Variants in NEB observed in about 807,000 individuals in gnomAD.
NEB encodes nebulin.
Under a neutral mutation model 952.2 loss-of-function variants are expected in NEB, and 512 were observed. That is an observed-to-expected ratio of 0.54 (90% CI 0.50 to 0.58). NEB has a LOEUF of 0.58. Among genes scored for constraint, NEB ranks in the 20% least tolerant of loss-of-function variants. NEB has a pLI of 0.00. For missense variants in NEB, 8,428 were observed against 9,231.1 expected, an observed-to-expected ratio of 0.91 and a Z score of 3.56; for synonymous variants, 2,900 against 3,149.8, an observed-to-expected ratio of 0.92 and a Z score of 2.66.
At chr2:151,491,904 G>A in intron 178 of NEB, 129 bp from the exon 179 acceptor site, 2 of 977,140 alleles carry the variant, frequency 2.0e-6, no homozygotes, top group South Asian at 1.7e-5. Flanking sequence ...TCTGGGTCAT[G>A]TCTTTTCCTC....
At chr2:151,715,778 C>G (rs372726513) in intron 10 of NEB, among the ~76,000 whole-genome samples, 8 of 152,358 alleles carry the variant, frequency 5.3e-5, no homozygotes, top group African/African-American at 1.9e-4. Context: ...CTTATATACT[C>G]AGTTTATACT....
rs750799792 is a variant in NEB, at chr2:151,640,647, T to C, written c.8393A>G (p.Tyr2798Cys). The change falls in exon 61 of 182, where the codon TAT becomes TGT. Residue 2798 changes from tyrosine (Y) to cysteine (C), a missense_variant. By Grantham distance (194) the Tyr-to-Cys change is radical. Coordinates refer to ENST00000397345, the MANE Select transcript of NEB (RefSeq NM_001164508.2). ...AATGTGGTGGCCGAGCTGCTTACGA[T>C]AGCCTTCTTTGTACTTGAACTAAAA... ...IASEFKYKEGYRKQLGHHIGA... is the reference protein window; with the variant it reads ...IASEFKYKEGCRKQLGHHIGA... 6.8e-6 allele frequency: 11 copies of C among 1,612,692 alleles called. No homozygotes were observed. The Middle Eastern group carries it at 8.2e-4, about 121-fold the overall frequency.
In NEB at chr2:151,658,095, A is replaced by G. The variant is rs1459510302; in HGVS notation, c.6076-5T>C. 6.5e-7 allele frequency: 1 copy of G among 1,541,362 alleles called. No individual in the cohort carries two copies. The highest frequency in any genetic ancestry group is 8.9e-7 in the Non-Finnish European group (1 of 1,121,794). On this transcript the variant is annotated splice_polypyrimidine_tract_variant and splice_region_variant and intron_variant, in intron 47 of 181. Transcript: ENST00000397345. ...CAAGGAAAGTTTGTAGAGTTTCTGTAAAGAGAGGCAAAGGGAAGAGTTTTC... is the reference window on the plus strand; with the variant it reads ...CAAGGAAAGTTTGTAGAGTTTCTGTGAAGAGAGGCAAAGGGAAGAGTTTTC...
In NEB at chr2:151,730,615, T is replaced by TAAAAAAAAAAAAA. The variant is rs1559717111; in HGVS notation, c.37-960_37-959insTTTTTTTTTTTTT. On this transcript the variant is annotated intron_variant, in intron 3 of 181. Coordinates refer to ENST00000397345, the MANE Select transcript of NEB (RefSeq NM_001164508.2). Reference sequence around the variant, plus strand: ...ATGAAACACTTGGCTCATTTCTTAGTGAAAAAAAAAAAAAAAAAAAAAGGA... The same window carrying TAAAAAAAAAAAAA: ...ATGAAACACTTGGCTCATTTCTTAGTAAAAAAAAAAAAAGAAAAAAAAAAAAAAAAAAAAAGGA... Among the ~76,000 whole-genome samples the TAAAAAAAAAAAAA allele has an allele frequency of 2.7e-5, 2 of 73,560 alleles. 1 individual carries two copies. Among genetic ancestry groups the TAAAAAAAAAAAAA allele is most frequent in the Non-Finnish European group, 6.2e-5 (2 of 32,476 alleles). 48.3% of individuals were successfully genotyped at this position (73,560 alleles called of 152,430 possible).
intron 161 of NEB, among the ~76,000 whole-genome samples, chr2:151,510,647 G>C (rs994276396): frequency 6.6e-6 from 1 of 152,058 alleles, no homozygotes; most frequent in Non-Finnish European, 1.5e-5. Flanking sequence ...TGTTATAATT[G>C]TTCTATTTTA....
At position 151,513,674 on chromosome 2, in the gene NEB, A is replaced by C; in HGVS notation, c.23147T>G (p.Leu7716Arg). Reference sequence around the variant, plus strand: ...GCCTCTTCCTTTGACTTCCAGTTCCAGGTCTCGCTTATATTCTTTCTATAG... The same window carrying C: ...GCCTCTTCCTTTGACTTCCAGTTCCCGGTCTCGCTTATATTCTTTCTATAG... Reference protein sequence around the residue: ...ILNEKEYKRDLELEVKGRGLN... With the variant: ...ILNEKEYKRDRELEVKGRGLN... The change falls in exon 160 of 182, where the codon CTG becomes CGG. Residue 7716 changes from leucine (L) to arginine (R), a missense_variant. This residue lies in a region of NEB where 3,374 missense variants were observed against 3,651.5 expected (regional missense o/e 0.92). Coordinates refer to ENST00000397345, the MANE Select transcript of NEB (RefSeq NM_001164508.2). 1.2e-6 allele frequency: 2 copies of C among 1,604,126 alleles called. No individual in the cohort carries two copies. The highest frequency in any genetic ancestry group is 1.7e-6 in the Non-Finnish European group (2 of 1,174,670).
At position 151,540,407 on chromosome 2, in the gene NEB, G is replaced by A. The variant is rs2093884203; in HGVS notation, c.20829C>T (p.Tyr6943=). ...KIQYEKMKDK[Y]TPVPDTPILI... is the part of the protein sequence containing the mutation. ...GGATTGGCGTATCTGGAACCGGAGT[G>A]TACTTGTCTTTCATCTTTTCATATT... The change falls in exon 138 of 182, where the codon TAC becomes TAT. Residue 6943 remains tyrosine, a synonymous_variant. Coordinates refer to ENST00000397345, the MANE Select transcript of NEB (RefSeq NM_001164508.2). The A allele has an allele frequency of 2.5e-6, 4 of 1,581,348 alleles. No homozygotes were observed. Among genetic ancestry groups the A allele is most frequent in the Non-Finnish European group, 2.6e-6 (3 of 1,161,638 alleles).
Position 151,687,608 on chromosome 2 carries a change from TC to T in NEB, c.2523+17del. ...AGGCCACCCTGTCCAGGTCCCCAGG[TC>T]CCCAGGCCACACTCACATCGCTGGT... On this transcript the variant is annotated intron_variant, in intron 26 of 181. Transcript: ENST00000397345. 5.6e-6 allele frequency: 9 copies of T among 1,613,418 alleles called. No individual in the cohort carries two copies. The highest frequency in any genetic ancestry group is 7.6e-6 in the Non-Finnish European group (9 of 1,179,564).
Position 151,684,688 on chromosome 2 carries a change from C to G in NEB, c.2835+90G>C, listed in dbSNP as rs1269387038. ...CATACATAGGACAATGCAGATACCT[C>G]TAAGAAGTGCAAAAACCTCACTCAA... is the stretch of plus-strand genomic sequence containing the variant. On this transcript the variant is annotated intron_variant, in intron 28 of 181. Coordinates refer to ENST00000397345, the MANE Select transcript of NEB (RefSeq NM_001164508.2). 4.7e-6 allele frequency: 6 copies of G among 1,268,104 alleles called. No individual in the cohort carries two copies. The East Asian group carries it at 1.5e-4, about 32-fold the overall frequency. 78.6% of individuals were successfully genotyped at this position (1,268,104 alleles called of 1,614,324 possible).
At chr2:151,685,624 G>A (rs1440985238) in intron 27 of NEB, among the ~76,000 whole-genome samples, 1 of 152,130 alleles carries the variant, frequency 6.6e-6, no homozygotes, top group Non-Finnish European at 1.5e-5. Flanking sequence ...AAATAACGTT[G>A]GCCCTTCCGT....
At position 151,654,067 on chromosome 2, in the gene NEB, C is replaced by T. The variant is rs771466059; in HGVS notation, c.6840G>A (p.Leu2280=). 6.2e-7 allele frequency: 1 copy of T among 1,610,370 alleles called. No individual in the cohort carries two copies. Among genetic ancestry groups the T allele is most frequent in the South Asian group, 1.1e-5 (1 of 90,336 alleles). The part of the protein sequence containing the change: ...KLYKLGWEEA[L]KKGYDLPVDA... ...CAACTGGGAGATCATAGCCTTTCTTCAAAGCTTCTTCCCATCCAAGTTTAT... is the reference window on the plus strand; with the variant it reads ...CAACTGGGAGATCATAGCCTTTCTTTAAAGCTTCTTCCCATCCAAGTTTAT... The change falls in exon 52 of 182, where the codon TTG becomes TTA. Residue 2280 remains leucine (L), a synonymous_variant. Coordinates refer to ENST00000397345, the MANE Select transcript of NEB (RefSeq NM_001164508.2).
rs761066364 is a variant in NEB, at chr2:151,485,789, G to A, written c.25549C>T (p.Leu8517Phe). 1 of 1,612,200 alleles carries A rather than the reference G, an allele frequency of 6.2e-7. No individual in the cohort carries two copies. The highest frequency in any genetic ancestry group is 8.5e-7 in the Non-Finnish European group (1 of 1,178,626). The change falls in exon 182 of 182, where the codon CTC (leucine) becomes TTC (phenylalanine). Residue 8517 changes from leucine (L) to phenylalanine (F), a missense_variant. Physicochemically the swap from Leu to Phe is conservative, Grantham distance 22 (BLOSUM62 0). Coordinates refer to ENST00000397345, the MANE Select transcript of NEB (RefSeq NM_001164508.2). The part of the protein sequence containing the change: ...TVQRTGRTGM[L>F]PANYVEAI Reference sequence around the variant, plus strand: ...ATAGCTTCAACGTAGTTGGCTGGGAGCATTCCGGTCCTGCCAGTCCTCTGC... The same window carrying A: ...ATAGCTTCAACGTAGTTGGCTGGGAACATTCCGGTCCTGCCAGTCCTCTGC...
intron 165 of NEB, among the ~76,000 whole-genome samples, chr2:151,505,031 A>G (rs1410305416): frequency 2.0e-5 from 3 of 152,170 alleles, no homozygotes; most frequent in Non-Finnish European, 2.9e-5. Context: ...TGGGAATCCT[A>G]TCATTCATAT....
intron 27 of NEB, among the ~76,000 whole-genome samples, chr2:151,685,967 G>C (rs2099494863): frequency 6.6e-6 from 1 of 151,986 alleles, no homozygotes; most frequent in South Asian, 2.1e-4. Flanking sequence ...ATATTTTGTG[G>C]GTGATCATTT....
chr2:151,643,255 C>T lies in NEB; in HGVS notation c.8055G>A (p.Leu2685=), dbSNP rs1351645950. The T allele has an allele frequency of 6.2e-7, 1 of 1,613,752 alleles. No individual in the cohort carries two copies. Among genetic ancestry groups the T allele is most frequent in the East Asian group, 2.2e-5 (1 of 44,870 alleles). ...DEKNKRATQI[L]SDHVYRQHPD... is the part of the protein sequence containing the mutation. ...GGTGCTGACGGTAAACATGGTCACTCAAAATCTGGGTGGCTCGTTTATTTT... is the reference window on the plus strand; with the variant it reads ...GGTGCTGACGGTAAACATGGTCACTTAAAATCTGGGTGGCTCGTTTATTTT... Residue 2685 remains leucine (L), a synonymous_variant, in exon 58 of 182, where the codon TTG becomes TTA. Coordinates refer to ENST00000397345, the MANE Select transcript of NEB (RefSeq NM_001164508.2).
At position 151,656,313 on chromosome 2, in the gene NEB, C is replaced by T; in HGVS notation, c.6335G>A (p.Ser2112Asn). Residue 2112 changes from serine to asparagine, a missense_variant, in exon 49 of 182, where the codon AGC (serine) becomes AAC (asparagine). By Grantham distance (46) the Ser-to-Asn change is conservative. Transcript: ENST00000397345. Reference sequence around the variant, plus strand: ...GAGCATGTCGGCAGGGGTGTGGTAGCTGGTCTTTGTGTTCTCATAGTTTTT... The same window carrying T: ...GAGCATGTCGGCAGGGGTGTGGTAGTTGGTCTTTGTGTTCTCATAGTTTTT... Reference protein sequence around the residue: ...YKKNYENTKTSYHTPADMLSV... With the variant: ...YKKNYENTKTNYHTPADMLSV... 6 of 1,613,674 alleles carry T rather than the reference C, an allele frequency of 3.7e-6. No homozygotes were observed. Among genetic ancestry groups the T allele is most frequent in the Non-Finnish European group, 5.1e-6 (6 of 1,179,736 alleles).
chr2:151,567,858 G>A lies in NEB; in HGVS notation c.17844+213C>T, dbSNP rs143761216. Among the ~76,000 whole-genome samples, 688 of 152,224 alleles carry A rather than the reference G, an allele frequency of 4.5e-3. 3 individuals carry two copies. Among genetic ancestry groups the A allele is most frequent in the Middle Eastern group, 0.017 (5 of 294 alleles). The stretch of plus-strand genomic sequence containing the variant: ...ACAATTGCTTTTAAAAAAGCCAAGG[G>A]GGGTGGTGGGCGGGTGAAGAAACAA... On this transcript the variant is annotated intron_variant, in intron 113 of 181. Transcript: ENST00000397345.
Position 151,629,310 on chromosome 2 carries a change from A to G in NEB, c.9831+229T>C, listed in dbSNP as rs184691634. Among the ~76,000 whole-genome samples, 552 of 152,328 alleles carry G rather than the reference A, an allele frequency of 3.6e-3. 2 individuals are homozygous for G. The highest frequency in any genetic ancestry group is 0.013 in the African/African-American group (530 of 41,572). ...AGAATCACATCCAATTTTATACTGC[A>G]TTGAAGTATACTGGTTTAGGTTACC... On this transcript the variant is annotated intron_variant, in intron 68 of 181. Transcript: ENST00000397345.
chr2:151,620,816 G>A (rs1306634204), intron 72 of NEB, 103 bp downstream of exon 72: 4 of 813,074 alleles, frequency 4.9e-6, no homozygotes, highest in Non-Finnish European at 3.9e-6. Context: ...ATTTGCCTAT[G>A]CACTGAAGGG....
Sources: gnomAD v4.1 joint callset for allele counts (sites outside exome capture counted in the v4.1 genomes callset) on GRCh38, gnomAD v4.1.1 for gene constraint, gnomAD v4.1.1 regional missense constraint, MANE v1.5 for transcripts, NCBI Gene and HGNC (gene_info 2026-07-23, HGNC 2026-07-21) for gene names.